Variants in FTCDNL1 observed in about 807,000 individuals in gnomAD.
FTCDNL1 encodes formiminotransferase N-terminal subdomain-containing protein.
FTCDNL1 carries 11 observed loss-of-function variants against 5.9 expected under a neutral mutation model. The observed-to-expected ratio is 1.87, with a 90% CI of 1.18 to 3.10. The LOEUF is 3.10. FTCDNL1 is among the 30% of genes most tolerant of loss of function. The pLI is 0.00. For synonymous variants in FTCDNL1, 58 were observed against 24.8 expected, an observed-to-expected ratio of 2.34 and a Z score of -3.99; for missense variants, 115 against 65.5, an observed-to-expected ratio of 1.76 and a Z score of -2.61.
At chr2:199,740,093 C>A in the FTCDNL1 span, among the ~76,000 whole-genome samples, 8 of 152,320 alleles carry the variant, frequency 5.3e-5, no homozygotes, top group African/African-American at 7.2e-5. Flanking sequence ...AATTACCGCA[C>A]CTTTTTTCAC....
chr2:199,847,310 G>A lies in FTCDNL1; in HGVS notation c.116-1140C>T, dbSNP rs542155331. On this transcript the variant is annotated intron_variant, in intron 2 of 4. Transcript: ENST00000420128. Reference sequence around the variant, plus strand: ...AAAAAAAGGTTCATTTTCTTAACTAGTGCTACCTTCCTTGCATTTTGAAAA... The same window carrying A: ...AAAAAAAGGTTCATTTTCTTAACTAATGCTACCTTCCTTGCATTTTGAAAA... Among the ~76,000 whole-genome samples the A allele has an allele frequency of 9.9e-5, 15 of 151,722 alleles. No homozygotes were observed. In the South Asian group the frequency reaches 3.1e-3, roughly 32 times the overall value.
At chr2:199,736,965 G>C in the FTCDNL1 span, among the ~76,000 whole-genome samples, 4 of 152,248 alleles carry the variant, frequency 2.6e-5, no homozygotes, top group Middle Eastern at 6.3e-3. Context: ...GTGGACCACA[G>C]TGGACACAGG....
At chr2:199,666,371 C>G in the FTCDNL1 span, among the ~76,000 whole-genome samples, 1 of 152,154 alleles carries the variant, frequency 6.6e-6, no homozygotes, top group Non-Finnish European at 1.5e-5. Context: ...TTGCTGAATT[C>G]TAGACCCAAC....
the FTCDNL1 span, among the ~76,000 whole-genome samples, chr2:199,744,520 C>A: frequency 1.3e-5 from 2 of 151,968 alleles, no homozygotes; most frequent in Non-Finnish European, 2.9e-5. Flanking sequence ...TGTCTGCAAG[C>A]CAGGAAGAGA....
chr2:199,829,971 C>A (rs187670360), intron 3 of FTCDNL1, among the ~76,000 whole-genome samples: 1 of 152,036 alleles, frequency 6.6e-6, no homozygotes, highest in Non-Finnish European at 1.5e-5. Context: ...AAGTATCAAA[C>A]CTTTCCCTAA....
intron 3 of FTCDNL1, among the ~76,000 whole-genome samples, chr2:199,838,748 A>C (rs1702932437): frequency 6.6e-6 from 1 of 152,168 alleles, no homozygotes. Context: ...GCCCTGCCAC[A>C]CCCTGGTAGA....
At chr2:199,802,827 G>A (rs753295860) in intron 3 of FTCDNL1, among the ~76,000 whole-genome samples, 13 of 152,120 alleles carry the variant, frequency 8.5e-5, no homozygotes, top group Non-Finnish European at 1.3e-4. Context: ...CAGAGGAGGC[G>A]CTGACAGTCC....
the FTCDNL1 span, among the ~76,000 whole-genome samples, chr2:199,708,200 A>G: frequency 9.2e-5 from 14 of 152,004 alleles, no homozygotes; most frequent in Non-Finnish European, 1.9e-4. Context: ...ACATTGTCTA[A>G]TCTGCCAATA....
At chr2:199,768,862 T>C (rs1208632350) in intron 3 of FTCDNL1, among the ~76,000 whole-genome samples, 1 of 152,110 alleles carries the variant, frequency 6.6e-6, no homozygotes, top group Admixed American at 6.5e-5. Flanking sequence ...AGAGAGGAGC[T>C]ATTTAAGTTT....
intron 2 of FTCDNL1, among the ~76,000 whole-genome samples, chr2:199,847,082 A>G (rs562693171): frequency 6.6e-6 from 1 of 152,254 alleles, no homozygotes; most frequent in South Asian, 2.1e-4. Flanking sequence ...GAAGATAAAC[A>G]TATGTCACTC....
chr2:199,807,658 T>C (rs548226421), downstream of FTCDNL1, among the ~76,000 whole-genome samples: 4 of 152,288 alleles, frequency 2.6e-5, no homozygotes, highest in East Asian at 7.7e-4. Context: ...ATTATTTATT[T>C]ATAATAAAAA....
chr2:199,674,693 C>T, the FTCDNL1 span, among the ~76,000 whole-genome samples: 1 of 152,054 alleles, frequency 6.6e-6, no homozygotes, highest in Non-Finnish European at 1.5e-5. Context: ...TTTATTTTGT[C>T]AAAATGTAAT....
the FTCDNL1 span, among the ~76,000 whole-genome samples, chr2:199,734,509 A>G: frequency 6.6e-6 from 1 of 152,220 alleles, no homozygotes; most frequent in African/African-American, 2.4e-5. Flanking sequence ...CCCATTTTTC[A>G]GAAACTTTTC....
intron 3 of FTCDNL1, among the ~76,000 whole-genome samples, chr2:199,825,668 A>G (rs866695276): frequency 1.3e-5 from 2 of 152,148 alleles, no homozygotes; most frequent in South Asian, 2.1e-4. Flanking sequence ...ACCATGCGAC[A>G]CACCTGTTCC....
At chr2:199,776,793 CAGAG>C (rs2106310351) in intron 3 of FTCDNL1, among the ~76,000 whole-genome samples, 1 of 152,062 alleles carries the variant, frequency 6.6e-6, no homozygotes, top group South Asian at 2.1e-4. Context: ...TAGTATACTC[CAGAG>C]AAACAGAATG....
intron 3 of FTCDNL1, among the ~76,000 whole-genome samples, chr2:199,833,995 C>T (rs542127965): frequency 1.3e-5 from 2 of 152,156 alleles, no homozygotes; most frequent in Admixed American, 6.5e-5. Flanking sequence ...GGCTGAATTG[C>T]GTTCTCCAAA....
chr2:199,708,347 G>T, the FTCDNL1 span, among the ~76,000 whole-genome samples: 3 of 151,866 alleles, frequency 2.0e-5, no homozygotes, highest in Non-Finnish European at 2.9e-5. Flanking sequence ...GTTCATGTCT[G>T]CTAATATCAT....
At chr2:199,790,986 T>C (rs1699896932) in intron 3 of FTCDNL1, among the ~76,000 whole-genome samples, 1 of 152,094 alleles carries the variant, frequency 6.6e-6, no homozygotes, top group Admixed American at 6.6e-5. Flanking sequence ...CTGGCAAGTG[T>C]GGACATAGGT....
At chr2:199,718,192 C>A in the FTCDNL1 span, among the ~76,000 whole-genome samples, 1 of 152,020 alleles carries the variant, frequency 6.6e-6, no homozygotes, top group Admixed American at 6.6e-5. Context: ...ACCAAACAGG[C>A]AATTTTTCAA....
Sources: gnomAD v4.1 joint callset for allele counts (sites outside exome capture counted in the v4.1 genomes callset) on GRCh38, gnomAD v4.1.1 for gene constraint, MANE v1.5 for transcripts, NCBI Gene and HGNC (gene_info 2026-07-23, HGNC 2026-07-21) for gene names.